Variants in SYNPR observed in about 807,000 individuals in gnomAD.
The protein encoded by SYNPR is synaptoporin.
A neutral mutation model predicts 32.9 loss-of-function variants in SYNPR; 23 were observed. The ratio of observed to expected loss-of-function variants is 0.70; its 90% CI spans 0.50 to 0.99. The LOEUF (loss-of-function observed/expected upper bound fraction) is 0.99. Among genes scored for constraint, SYNPR ranks in the 50% least tolerant of loss-of-function variants. The pLI is 0.00. For synonymous variants in SYNPR, 146 were observed against 135.9 expected (o/e 1.07, Z -0.52); for missense variants, 318 against 349.3 (o/e 0.91, Z 0.71).
intron 2 of SYNPR, among the ~76,000 whole-genome samples, chr3:63,393,880 T>C (rs2088176911): frequency 6.6e-6 from 1 of 152,216 alleles, no homozygotes; most frequent in East Asian, 1.9e-4. Context: ...AATGGTATTC[T>C]CTTGCTGCCT....
chr3:63,285,862 T>C (rs1161154947), intron 2 of SYNPR, among the ~76,000 whole-genome samples: 1 of 152,220 alleles, frequency 6.6e-6, no homozygotes, highest in African/African-American at 2.4e-5. Context: ...GATTTAATGA[T>C]TTATCCAAGT....
chr3:63,598,562 G>C (rs1389461919), intron 4 of SYNPR, among the ~76,000 whole-genome samples: 1 of 152,138 alleles, frequency 6.6e-6, no homozygotes, highest in Non-Finnish European at 1.5e-5. Context: ...GAGATGAATA[G>C]CTCAGAGTAT....
the SYNPR span, among the ~76,000 whole-genome samples, chr3:63,204,645 A>G: frequency 5.9e-5 from 9 of 151,986 alleles, no homozygotes; most frequent in Non-Finnish European, 1.5e-5. Flanking sequence ...CTTCGCTACC[A>G]CAGCCTCACC....
chr3:63,513,785 A>C (rs1324861172), intron 3 of SYNPR, among the ~76,000 whole-genome samples: 2 of 152,076 alleles, frequency 1.3e-5, no homozygotes, highest in African/African-American at 4.8e-5. Flanking sequence ...CAAATGATGG[A>C]AGGAATGAGG....
chr3:63,241,798 G>T (rs546967938), intron 1 of SYNPR, among the ~76,000 whole-genome samples: 3 of 151,944 alleles, frequency 2.0e-5, no homozygotes, highest in Non-Finnish European at 4.4e-5. Context: ...TTATTTTTAA[G>T]CCAATTTTAG....
intron 3 of SYNPR, among the ~76,000 whole-genome samples, chr3:63,483,782 G>A (rs867385472): frequency 3.3e-5 from 5 of 152,118 alleles, no homozygotes; most frequent in Non-Finnish European, 4.4e-5. Context: ...AGCAGCTGTT[G>A]AGACAACTCA....
intron 2 of SYNPR, among the ~76,000 whole-genome samples, chr3:63,398,244 TGGC>T (rs1202755165): frequency 2.6e-5 from 4 of 152,342 alleles, no homozygotes; most frequent in Non-Finnish European, 2.9e-5. Flanking sequence ...GCGTAAGAGC[TGGC>T]ACTTGGCAGC....
At chr3:63,302,449 G>A (rs1285609877) in intron 2 of SYNPR, among the ~76,000 whole-genome samples, 2 of 152,012 alleles carry the variant, frequency 1.3e-5, no homozygotes, top group Non-Finnish European at 2.9e-5. Flanking sequence ...ATACCATTAA[G>A]TCTAAAGCCA....
Position 63,550,862 on chromosome 3 carries a change from C to A in SYNPR, c.210-5681C>A, listed in dbSNP as rs373988017. On this transcript the variant is annotated intron_variant, in intron 3 of 5. Transcript: ENST00000478300. The stretch of plus-strand genomic sequence containing the variant: ...AATTTGGCCACCTGGCCAAGAAGAC[C>A]CCACAATGGGGGCCCCCAGCTACTT... 9.9e-5 allele frequency among the ~76,000 whole-genome samples: 15 copies of A among 152,284 alleles called. No individual in the cohort carries two copies. In the East Asian group the frequency reaches 2.9e-3, roughly 29 times the overall value.
chr3:63,441,325 T>G (rs1700166708), intron 2 of SYNPR, among the ~76,000 whole-genome samples: 1 of 152,174 alleles, frequency 6.6e-6, no homozygotes, highest in African/African-American at 2.4e-5. Context: ...TTACTTGCAA[T>G]GGGACTCTTA....
intron 3 of SYNPR, among the ~76,000 whole-genome samples, chr3:63,268,671 GGAGGAAGAGGAGGGGTT>G: frequency 6.8e-6 from 1 of 147,062 alleles, no homozygotes; most frequent in East Asian, 1.9e-4. Flanking sequence ...TGAAGGAGGA[GGAGGAAGAGGAGGGGTT>G]GATCTTGCTG....
intron 2 of SYNPR, among the ~76,000 whole-genome samples, chr3:63,312,854 G>C (rs1031243737): frequency 3.9e-5 from 6 of 151,964 alleles, no homozygotes; most frequent in African/African-American, 7.2e-5. Context: ...TCTTGTTCTG[G>C]AATATTCTTT....
chr3:63,479,187 G>C (rs1378543899), intron 2 of SYNPR, among the ~76,000 whole-genome samples: 1 of 152,200 alleles, frequency 6.6e-6, no homozygotes, highest in African/African-American at 2.4e-5. Flanking sequence ...GGGGCAGACA[G>C]CCAGACAGAT....
chr3:63,253,358 A>G (rs1274487379), intron 2 of SYNPR, among the ~76,000 whole-genome samples: 2 of 152,182 alleles, frequency 1.3e-5, no homozygotes, highest in Non-Finnish European at 1.5e-5. Context: ...CATATCCTCC[A>G]AAACAAACTC....
intron 2 of SYNPR, among the ~76,000 whole-genome samples, chr3:63,439,888 A>T (rs1208953352): frequency 6.6e-6 from 1 of 151,912 alleles, no homozygotes; most frequent in Non-Finnish European, 1.5e-5. Flanking sequence ...TGATTTCATC[A>T]TTCATTCATT....
intron 2 of SYNPR, among the ~76,000 whole-genome samples, chr3:63,326,298 C>T (rs1473304971): frequency 1.3e-5 from 2 of 149,968 alleles, no homozygotes; most frequent in Non-Finnish European, 3.0e-5. Context: ...AGGATGAGCT[C>T]TTAACCAACA....
intron 2 of SYNPR, among the ~76,000 whole-genome samples, chr3:63,451,601 C>T (rs556471196): frequency 7.7e-4 from 117 of 152,206 alleles, no homozygotes; most frequent in African/African-American, 1.9e-3. Flanking sequence ...AGGGCAGAGG[C>T]GGCAGGGACT....
At chr3:63,543,887 C>A (rs907295545) in intron 3 of SYNPR, among the ~76,000 whole-genome samples, 31 of 151,916 alleles carry the variant, frequency 2.0e-4, no homozygotes, top group Non-Finnish European at 7.4e-5. Context: ...TGGCCATGGA[C>A]AATATGGAGG....
chr3:63,363,062 A>T (rs1236387298), intron 2 of SYNPR, among the ~76,000 whole-genome samples: 2 of 152,208 alleles, frequency 1.3e-5, no homozygotes, highest in African/African-American at 2.4e-5. Flanking sequence ...GGTAGCAAAT[A>T]GTACTTTTGG....
Sources: allele counts gnomAD v4.1 joint callset (sites outside exome capture counted in the v4.1 genomes callset), GRCh38; gene constraint gnomAD v4.1.1; transcripts MANE v1.5; gene names NCBI Gene and HGNC (gene_info 2026-07-23, HGNC 2026-07-21).